The following FAM229B variants were observed in gnomAD, a reference collection of about 807,000 sequenced individuals.
The protein encoded by FAM229B is family with sequence similarity 229 member B.
A neutral mutation model predicts 6.7 loss-of-function variants in FAM229B; 2 were observed. That is an observed-to-expected ratio of 0.30 (90% CI 0.12 to 0.94). The LOEUF (loss-of-function observed/expected upper bound fraction) is 0.94. Among genes scored for constraint, FAM229B ranks in the 40% least tolerant of loss-of-function variants. The pLI is 0.54. For missense variants in FAM229B, 93 were observed against 96.2 expected, an observed-to-expected ratio of 0.97 and a Z score of 0.14; for synonymous variants, 29 against 34.0, an observed-to-expected ratio of 0.85 and a Z score of 0.51.
chr6:112,093,609 G>T (rs958749068), intron 1 of FAM229B, among the ~76,000 whole-genome samples: 1 of 151,982 alleles, frequency 6.6e-6, no homozygotes, highest in African/African-American at 2.4e-5. Context: ...TTATATTCTG[G>T]CTATAAAAAC....
chr6:112,089,245 G>A (rs1310384766), intron 1 of FAM229B, among the ~76,000 whole-genome samples: 1 of 151,942 alleles, frequency 6.6e-6, no homozygotes, highest in African/African-American at 2.4e-5. Context: ...AAAATTATTG[G>A]GAATCCTATG....
rs1397163751 is a variant in FAM229B, at chr6:112,101,851, T to C, written c.*1064T>C. 2.6e-5 allele frequency: 4 copies of C among 152,156 alleles called. No individual in the cohort carries two copies. The highest frequency in any genetic ancestry group is 4.8e-5 in the African/African-American group (2 of 41,422). The allele number at this position is 152,156 out of a possible 1,614,324, so 9.4% of individuals were successfully genotyped here. On this transcript the variant is annotated 3_prime_UTR_variant, in exon 4 of 4. Coordinates refer to ENST00000368656, the MANE Select transcript of FAM229B (RefSeq NM_001033564.3). ...GAAAAGAAAAACTGCCAGGGAGTTA[T>C]AAGAGGAAAAACTCTCAGAGCTCAC...
intron 1 of FAM229B, among the ~76,000 whole-genome samples, chr6:112,096,102 T>A (rs956343530): frequency 2.0e-5 from 3 of 152,172 alleles, no homozygotes; most frequent in Non-Finnish European, 4.4e-5. Context: ...TGTTCTGGTA[T>A]AAGGGTTAAA....
intron 3 of FAM229B, among the ~76,000 whole-genome samples, 158 bp from the exon 4 acceptor site, chr6:112,100,512 G>A (rs1400627139): frequency 6.6e-6 from 1 of 152,138 alleles, no homozygotes; most frequent in African/African-American, 2.4e-5. Context: ...TCTAAAATGG[G>A]TGCCTCGTCA....
At position 112,099,340 on chromosome 6, in the gene FAM229B, T is replaced by G; in HGVS notation, c.57T>G (p.Ser19=). 1 of 1,614,078 alleles carries G rather than the reference T, an allele frequency of 6.2e-7. No homozygotes were observed. The highest frequency in any genetic ancestry group is 8.5e-7 in the Non-Finnish European group (1 of 1,179,944). ...PRRFPVEGGD[S]SIELEPGLSS... ...GGTTTCCAGTGGAAGGAGGAGATTC[T>G]TCAATTGAGCTGGAACCTGGGCTGA... The change falls in exon 3 of 4, where the codon TCT becomes TCG. Residue 19 remains serine (S), a synonymous_variant. Coordinates refer to ENST00000368656, the MANE Select transcript of FAM229B (RefSeq NM_001033564.3).
intron 3 of FAM229B, 30 bp downstream of exon 3, chr6:112,099,438 G>C (rs782770919): frequency 6.3e-7 from 1 of 1,588,336 alleles, no homozygotes; most frequent in Non-Finnish European, 8.6e-7. Flanking sequence ...CAAGTGAGGA[G>C]ATATGTATTG....
chr6:112,093,100 T>C (rs1175777006), intron 1 of FAM229B, among the ~76,000 whole-genome samples: 2 of 151,766 alleles, frequency 1.3e-5, no homozygotes, highest in African/African-American at 2.4e-5. Flanking sequence ...AAGATAGAGG[T>C]CATCACAGTG....
At chr6:112,096,177 GT>G (rs782382281) in intron 1 of FAM229B, among the ~76,000 whole-genome samples, 6 of 152,232 alleles carry the variant, frequency 3.9e-5, no homozygotes, top group Non-Finnish European at 7.3e-5. Flanking sequence ...CCAAGAATGA[GT>G]TGGGAGAGGG....
chr6:112,088,436 T>C (rs2114498867), intron 1 of FAM229B, among the ~76,000 whole-genome samples: 1 of 152,340 alleles, frequency 6.6e-6, no homozygotes, highest in South Asian at 2.1e-4. Flanking sequence ...TCCACAAAAA[T>C]TCTGAAGAAC....
intron 3 of FAM229B, 79 bp from the exon 4 acceptor site, chr6:112,100,591 C>T: frequency 1.1e-6 from 1 of 889,868 alleles, no homozygotes; most frequent in Admixed American, 1.9e-5. Context: ...GTTAAATATA[C>T]AATCAAACTT....
chr6:112,096,410 G>T (rs1406962476), intron 1 of FAM229B, among the ~76,000 whole-genome samples: 3 of 152,256 alleles, frequency 2.0e-5, no homozygotes, highest in African/African-American at 7.2e-5. Flanking sequence ...GAAAAAATTA[G>T]CCGGGTGTGG....
chr6:112,087,936 G>A (rs1441624601), intron 1 of FAM229B, among the ~76,000 whole-genome samples: 2 of 152,142 alleles, frequency 1.3e-5, no homozygotes, highest in Non-Finnish European at 2.9e-5. Flanking sequence ...AAACCCCAGA[G>A]AAATAGTCAT....
intron 2 of FAM229B, among the ~76,000 whole-genome samples, chr6:112,098,459 C>T (rs1275202072): frequency 6.6e-6 from 1 of 152,146 alleles, no homozygotes; most frequent in Non-Finnish European, 1.5e-5. Context: ...ATTTACTGAG[C>T]ACTTACTGTG....
At chr6:112,093,460 A>C (rs1438929086) in intron 1 of FAM229B, among the ~76,000 whole-genome samples, 1 of 152,102 alleles carries the variant, frequency 6.6e-6, no homozygotes, top group African/African-American at 2.4e-5. Flanking sequence ...ATAGTTGATA[A>C]ACCAAGTATA....
At chr6:112,094,421 C>G (rs587665594) in intron 1 of FAM229B, among the ~76,000 whole-genome samples, 1 of 152,216 alleles carries the variant, frequency 6.6e-6, no homozygotes, top group Non-Finnish European at 1.5e-5. Flanking sequence ...GTTATGCTGG[C>G]CTTTCAGATT....
intron 3 of FAM229B, among the ~76,000 whole-genome samples, chr6:112,100,254 T>G (rs1554319108): frequency 6.6e-6 from 1 of 152,262 alleles, no homozygotes; most frequent in Non-Finnish European, 1.5e-5. Context: ...TGGAATACTA[T>G]GTTCAGTTTT....
At chr6:112,095,688 A>C (rs1777316385) in intron 1 of FAM229B, among the ~76,000 whole-genome samples, 2 of 150,594 alleles carry the variant, frequency 1.3e-5, no homozygotes, top group African/African-American at 2.4e-5. Flanking sequence ...GAAAAAAAAA[A>C]ACCTCTAACC....
chr6:112,099,644 T>G (rs1777369808), intron 3 of FAM229B, among the ~76,000 whole-genome samples: 1 of 152,226 alleles, frequency 6.6e-6, no homozygotes, highest in Non-Finnish European at 1.5e-5. Context: ...CATTTTTAGC[T>G]ATTAACAACA....
intron 1 of FAM229B, among the ~76,000 whole-genome samples, chr6:112,095,386 C>T (rs148663630): frequency 3.5e-4 from 54 of 152,132 alleles, no homozygotes; most frequent in Non-Finnish European, 8.8e-5. Flanking sequence ...AACCTTAGCA[C>T]TTTGGGAGGG....
Sources: allele counts gnomAD v4.1 joint callset (sites outside exome capture counted in the v4.1 genomes callset), GRCh38; gene constraint gnomAD v4.1.1; transcripts MANE v1.5; gene names NCBI Gene and HGNC (gene_info 2026-07-23, HGNC 2026-07-21).